Variants in MALRD1 observed in about 807,000 individuals in gnomAD.
MALRD1 encodes MAM and LDL-receptor class A domain-containing protein 1.
In MALRD1, 247 loss-of-function variants were observed where a neutral mutation model predicts 242.1. The observed-to-expected ratio is 1.02, with a 90% CI of 0.92 to 1.13. The LOEUF (loss-of-function observed/expected upper bound fraction) is 1.13, where lower values mean the gene tolerates loss of function less well. MALRD1 is among the 50% of genes most tolerant of loss of function. The pLI is 0.00. For missense variants in MALRD1, 2,989 were observed against 2,533.1 expected (o/e 1.18, Z -3.86); for synonymous variants, 995 against 866.6 (o/e 1.15, Z -2.60).
chr10:19,640,600 A>G (rs1840340764), intron 36 of MALRD1, among the ~76,000 whole-genome samples: 1 of 152,182 alleles, frequency 6.6e-6, no homozygotes, highest in Non-Finnish European at 1.5e-5. Context: ...TGTTCTATAT[A>G]AGATATTTTA....
chr10:19,427,119 T>C (rs1204126741), intron 28 of MALRD1, among the ~76,000 whole-genome samples: 1 of 152,188 alleles, frequency 6.6e-6, no homozygotes, highest in Non-Finnish European at 1.5e-5. Flanking sequence ...GTTCCTCCAT[T>C]TTTAATCCTT....
intron 26 of MALRD1, among the ~76,000 whole-genome samples, chr10:19,377,068 A>G (rs1337106196): frequency 1.3e-5 from 2 of 152,216 alleles, no homozygotes; most frequent in Non-Finnish European, 2.9e-5. Context: ...CAAAATAGTC[A>G]ATGCAAACTA....
intron 23 of MALRD1, among the ~76,000 whole-genome samples, chr10:19,329,121 AT>A (rs1250251162): frequency 2.0e-5 from 3 of 152,170 alleles, no homozygotes; most frequent in Non-Finnish European, 2.9e-5. Flanking sequence ...TATACCCCTG[AT>A]TTTTTTGACT....
At chr10:19,482,584 G>A (rs1202584740) in intron 29 of MALRD1, among the ~76,000 whole-genome samples, 2 of 148,274 alleles carry the variant, frequency 1.3e-5, no homozygotes. Flanking sequence ...AAAAATAGTA[G>A]CATTTCTATA....
At chr10:19,621,046 C>T (rs1359229738) in intron 36 of MALRD1, among the ~76,000 whole-genome samples, 2 of 149,074 alleles carry the variant, frequency 1.3e-5, no homozygotes, top group African/African-American at 4.9e-5. Context: ...ACTACAATGA[C>T]AGAAGAGGGT....
chr10:19,666,425 A>G (rs1401342613), intron 36 of MALRD1, among the ~76,000 whole-genome samples: 2 of 152,160 alleles, frequency 1.3e-5, no homozygotes, highest in African/African-American at 2.4e-5. Context: ...CTACTAGGCT[A>G]TGGAATCAGT....
chr10:19,332,177 GTT>G (rs752668636), intron 24 of MALRD1, among the ~76,000 whole-genome samples: 1 of 146,484 alleles, frequency 6.8e-6, no homozygotes, highest in Non-Finnish European at 1.5e-5. Context: ...AATAAATGTT[GTT>G]TTTTTTTTTT....
At chr10:19,684,836 G>T (rs946932717) in intron 36 of MALRD1, among the ~76,000 whole-genome samples, 1 of 152,058 alleles carries the variant, frequency 6.6e-6, no homozygotes, top group Non-Finnish European at 1.5e-5. Flanking sequence ...ATCGAATCTG[G>T]AATATATTCC....
chr10:19,359,033 T>C (rs951226099), intron 26 of MALRD1, among the ~76,000 whole-genome samples: 3 of 152,156 alleles, frequency 2.0e-5, no homozygotes, highest in African/African-American at 4.8e-5. Flanking sequence ...GATCCAGAGA[T>C]AGAAGTGACA....
At chr10:19,623,706 G>A (rs1477763825) in intron 36 of MALRD1, among the ~76,000 whole-genome samples, 2 of 152,054 alleles carry the variant, frequency 1.3e-5, no homozygotes, top group Non-Finnish European at 2.9e-5. Context: ...TCTCAAGAAG[G>A]AACCACTTCC....
chr10:19,471,663 A>AT (rs34743623), intron 29 of MALRD1, among the ~76,000 whole-genome samples: 44,087 of 138,600 alleles, frequency 0.32, 7,305 homozygotes, highest in East Asian at 0.41. Context: ...CCTCTGCTTA[A>AT]TTTTTTTTTT....
intron 31 of MALRD1, among the ~76,000 whole-genome samples, chr10:19,514,303 A>G (rs1361778581): frequency 2.0e-5 from 3 of 152,230 alleles, no homozygotes; most frequent in African/African-American, 7.2e-5. Flanking sequence ...ACATATTAAT[A>G]ACATATCATA....
intron 7 of MALRD1, among the ~76,000 whole-genome samples, chr10:19,127,839 A>G (rs1837330290): frequency 6.7e-6 from 1 of 148,186 alleles, no homozygotes; most frequent in Admixed American, 7.0e-5. Flanking sequence ...CCAGAGGGGC[A>G]AGAATTCTGG....
At chr10:19,722,067 T>C (rs1188047300) in intron 38 of MALRD1, 2 of 152,212 alleles carry the variant, frequency 1.3e-5, no homozygotes, top group Non-Finnish European at 2.9e-5. Context: ...CTTTAGACTA[T>C]AGGTAAGTAT....
intron 18 of MALRD1, among the ~76,000 whole-genome samples, chr10:19,243,408 TC>T (rs1838888288): frequency 6.6e-6 from 1 of 152,132 alleles, no homozygotes; most frequent in Non-Finnish European, 1.5e-5. Flanking sequence ...CATTAAAAAG[TC>T]TTTATCAGTT....
At chr10:19,607,301 TAA>T (rs1491262595) in intron 34 of MALRD1, among the ~76,000 whole-genome samples, 1 of 152,158 alleles carries the variant, frequency 6.6e-6, no homozygotes, top group East Asian at 1.9e-4. Context: ...TTCTGGAGGC[TAA>T]AAGTCCAAGA....
intron 35 of MALRD1, among the ~76,000 whole-genome samples, chr10:19,608,431 A>G (rs912967239): frequency 6.6e-6 from 1 of 152,040 alleles, no homozygotes; most frequent in Non-Finnish European, 1.5e-5. Context: ...TATATCTGTC[A>G]TTATACTTTT....
At position 19,387,656 on chromosome 10, in the gene MALRD1, G is replaced by C; in HGVS notation, c.4570G>C (p.Glu1524Gln). 1.3e-6 allele frequency: 2 copies of C among 1,550,342 alleles called. No homozygotes were observed. The highest frequency in any genetic ancestry group is 1.7e-6 in the Non-Finnish European group (2 of 1,146,876). The stretch of plus-strand genomic sequence containing the variant: ...TGAGTGTGGTAGCTCCTGTACTTTT[G>C]AAAAAGGCTGGTGTGGCTGGCAAAA... The part of the protein sequence containing the change: ...ENECGSSCTF[E>Q]KGWCGWQNSQ... The change falls in exon 27 of 40, where the codon GAA becomes CAA. Residue 1524 changes from glutamate (E) to glutamine (Q), a missense_variant. Physicochemically the swap from Glu to Gln is conservative, Grantham distance 29. Coordinates refer to ENST00000454679, the MANE Select transcript of MALRD1 (RefSeq NM_001142308.3).
At chr10:19,357,160 G>A (rs1458286509) in intron 26 of MALRD1, among the ~76,000 whole-genome samples, 1 of 151,792 alleles carries the variant, frequency 6.6e-6, no homozygotes, top group East Asian at 1.9e-4. Context: ...GGTCAAATGT[G>A]AAAGCACAGG....
Sources: allele counts gnomAD v4.1 joint callset (sites outside exome capture counted in the v4.1 genomes callset), GRCh38; gene constraint gnomAD v4.1.1; transcripts MANE v1.5; gene names NCBI Gene and HGNC (gene_info 2026-07-23, HGNC 2026-07-21).